Variants in PTPRD observed in about 807,000 individuals in gnomAD.
The protein encoded by PTPRD is protein tyrosine phosphatase receptor type D, also known as receptor-type tyrosine-protein phosphatase delta.
Under a neutral mutation model 214.5 loss-of-function variants are expected in PTPRD, and 34 were observed. That is an observed-to-expected ratio of 0.16 (90% CI 0.12 to 0.21). The LOEUF (loss-of-function observed/expected upper bound fraction) is 0.21. Ranked by LOEUF, PTPRD falls within the 10% of genes least tolerant of loss-of-function variation. The pLI is 1.00. For missense variants in PTPRD, 2,545 were observed against 2,398.7 expected, an observed-to-expected ratio of 1.06 and a Z score of -1.27; for synonymous variants, 1,128 against 845.7, an observed-to-expected ratio of 1.33 and a Z score of -5.79.
intron 3 of PTPRD, among the ~76,000 whole-genome samples, chr9:10,108,848 T>G (rs1185968819): frequency 1.4e-5 from 2 of 143,224 alleles, no homozygotes; most frequent in Non-Finnish European, 3.1e-5. Context: ...GTTAACTGAA[T>G]TAAGTCAGGC....
chr9:9,316,121 C>T (rs1379413224), intron 9 of PTPRD, among the ~76,000 whole-genome samples: 1 of 151,860 alleles, frequency 6.6e-6, no homozygotes, highest in African/African-American at 2.4e-5. Flanking sequence ...CTTGAAAACA[C>T]CCTTCATCTT....
intron 44 of PTPRD, among the ~76,000 whole-genome samples, chr9:8,326,779 G>A (rs998844634): frequency 6.6e-6 from 1 of 151,036 alleles, no homozygotes; most frequent in South Asian, 2.1e-4. Flanking sequence ...TCCTGGTTTA[G>A]TCTTGGGAGG....
At chr9:10,031,427 A>G (rs999349077) in intron 4 of PTPRD, among the ~76,000 whole-genome samples, 66 of 151,634 alleles carry the variant, frequency 4.4e-4, no homozygotes, top group African/African-American at 1.6e-3. Flanking sequence ...TAAAGCAGGC[A>G]GAAAAATGTG....
chr9:9,616,032 T>G (rs2094837235), intron 7 of PTPRD, among the ~76,000 whole-genome samples: 1 of 152,158 alleles, frequency 6.6e-6, no homozygotes, highest in Non-Finnish European at 1.5e-5. Flanking sequence ...ATCAAAACGT[T>G]TCTAGAATGC....
At chr9:8,702,743 G>A (rs1308818345) in intron 12 of PTPRD, among the ~76,000 whole-genome samples, 3 of 152,058 alleles carry the variant, frequency 2.0e-5, no homozygotes, top group Non-Finnish European at 2.9e-5. Flanking sequence ...CAGTAGCTGG[G>A]ATTACAGGCG....
At chr9:8,505,821 A>C (rs145618313) in intron 22 of PTPRD, among the ~76,000 whole-genome samples, 2 of 152,040 alleles carry the variant, frequency 1.3e-5, no homozygotes, top group African/African-American at 4.8e-5. Flanking sequence ...TAAGCATCAC[A>C]ATTCTCCTTT....
chr9:10,086,222 G>A lies in PTPRD; in HGVS notation c.-544-52432C>T, dbSNP rs114576622. ...CTAAATATATCATTTGTGTAACAGC[G>A]CTGTAGACTTATTTGCAATTTTAGA... On this transcript the variant is annotated intron_variant, in intron 3 of 45. Coordinates refer to ENST00000381196, the MANE Select transcript of PTPRD (RefSeq NM_002839.4). Among the ~76,000 whole-genome samples, 527 of 151,868 alleles carry A rather than the reference G, an allele frequency of 3.5e-3. 6 individuals carry two copies. Among genetic ancestry groups the A allele is most frequent in the African/African-American group, 8.0e-3 (333 of 41,474 alleles).
intron 3 of PTPRD, among the ~76,000 whole-genome samples, chr9:10,043,599 T>C (rs1393113891): frequency 2.0e-5 from 3 of 151,872 alleles, no homozygotes; most frequent in Non-Finnish European, 4.4e-5. Flanking sequence ...TTTTCTAAGA[T>C]GTTTTATAGT....
chr9:8,440,397 G>T (rs750857792), intron 34 of PTPRD, among the ~76,000 whole-genome samples: 17 of 151,858 alleles, frequency 1.1e-4, no homozygotes, highest in Admixed American at 2.0e-4. Context: ...CTCACTGTAA[G>T]CTCTACCTCC....
intron 11 of PTPRD, among the ~76,000 whole-genome samples, chr9:8,873,978 G>C (rs1458916204): frequency 1.3e-5 from 2 of 152,124 alleles, no homozygotes; most frequent in Non-Finnish European, 2.9e-5. Flanking sequence ...TATCATACTG[G>C]ACAGAACACT....
chr9:10,567,062 T>C (rs2065851979), intron 2 of PTPRD, among the ~76,000 whole-genome samples: 1 of 152,126 alleles, frequency 6.6e-6, no homozygotes, highest in Non-Finnish European at 1.5e-5. Flanking sequence ...CCCATGTGCT[T>C]ACATAGTATG....
At chr9:9,858,719 T>C (rs917652030) in intron 5 of PTPRD, among the ~76,000 whole-genome samples, 8 of 152,206 alleles carry the variant, frequency 5.3e-5, no homozygotes, top group Non-Finnish European at 1.2e-4. Flanking sequence ...TCTAAAAATC[T>C]AGTTAGTATA....
At chr9:8,376,571 G>C (rs1026073951) in intron 38 of PTPRD, 36 bp downstream of exon 38, 1 of 1,611,666 alleles carries the variant, frequency 6.2e-7, no homozygotes, top group South Asian at 1.1e-5. Flanking sequence ...AAACAATAGA[G>C]AAGGGAAAGG....
At chr9:9,119,274 T>C (rs1170187096) in intron 10 of PTPRD, among the ~76,000 whole-genome samples, 1 of 152,204 alleles carries the variant, frequency 6.6e-6, no homozygotes, top group Non-Finnish European at 1.5e-5. Context: ...TAAAACCAGC[T>C]GGCCTAGTTT....
intron 5 of PTPRD, among the ~76,000 whole-genome samples, chr9:9,784,188 G>C (rs961230303): frequency 1.3e-5 from 2 of 151,994 alleles, no homozygotes; most frequent in Non-Finnish European, 2.9e-5. Context: ...ATAATGCATA[G>C]TTTTAAGGGT....
chr9:9,060,007 T>C (rs1161669010), intron 10 of PTPRD, among the ~76,000 whole-genome samples: 1 of 152,212 alleles, frequency 6.6e-6, no homozygotes, highest in Non-Finnish European at 1.5e-5. Flanking sequence ...GCAATTCCAA[T>C]AAAATGTAAA....
At chr9:8,919,749 ACATG>A (rs1159763863) in intron 11 of PTPRD, among the ~76,000 whole-genome samples, 1 of 151,822 alleles carries the variant, frequency 6.6e-6, no homozygotes, top group East Asian at 1.9e-4. Flanking sequence ...ATACATGTAT[ACATG>A]CATGCATGCA....
intron 35 of PTPRD, among the ~76,000 whole-genome samples, chr9:8,418,134 C>T (rs1252907115): frequency 2.0e-5 from 3 of 152,032 alleles, no homozygotes; most frequent in African/African-American, 4.8e-5. Context: ...GCCTTTGGCT[C>T]TGTTTTCCTC....
At chr9:9,214,660 C>T (rs932541514) in intron 9 of PTPRD, among the ~76,000 whole-genome samples, 2 of 151,994 alleles carry the variant, frequency 1.3e-5, no homozygotes, top group Non-Finnish European at 2.9e-5. Context: ...GTTTTTTAAA[C>T]TTTTAGAGAA....
Sources: allele counts gnomAD v4.1 joint callset (sites outside exome capture counted in the v4.1 genomes callset), GRCh38; gene constraint gnomAD v4.1.1; transcripts MANE v1.5; gene names NCBI Gene and HGNC (gene_info 2026-07-23, HGNC 2026-07-21).